ZMYND11: variants seen among roughly 807,000 people sequenced by gnomAD.
ZMYND11 encodes the protein zinc finger MYND-type containing 11.
Under a neutral mutation model 84.9 loss-of-function variants are expected in ZMYND11, and 9 were observed. The observed-to-expected ratio is 0.11, with a 90% confidence interval of 0.06 to 0.18. The LOEUF (loss-of-function observed/expected upper bound fraction) is 0.18, where lower values mean the gene tolerates loss of function less well. ZMYND11 is among the 10% of genes least tolerant of loss of function. The probability of loss-of-function intolerance (pLI) is 1.00; values close to 1 mark genes in which losing one functional copy is unlikely to be tolerated. For synonymous variants in ZMYND11, 250 were observed against 244.1 expected (o/e 1.02, Z -0.23); for missense variants, 409 against 761.0 (o/e 0.54, Z 5.44).
At chr10:194,055 G>C (rs1365543226) in intron 2 of ZMYND11, among the ~76,000 whole-genome samples, 6 of 152,116 alleles carry the variant, frequency 3.9e-5, no homozygotes, top group Middle Eastern at 3.2e-3. Flanking sequence ...TACAATCTCA[G>C]CTCACTACAG....
At chr10:170,991 G>A (rs1227001950) in intron 1 of ZMYND11, among the ~76,000 whole-genome samples, 1 of 152,006 alleles carries the variant, frequency 6.6e-6, no homozygotes, top group Non-Finnish European at 1.5e-5. Flanking sequence ...ATATAGCATG[G>A]TAACACTAAT....
Position 246,909 on chromosome 10 carries a change from C to A in ZMYND11, c.1094C>A (p.Ser365Tyr). 6.2e-7 allele frequency: 1 copy of A among 1,613,378 alleles called. No homozygotes were observed. Residue 365 changes from serine to tyrosine, a missense_variant, in exon 11 of 15, where the codon TCT becomes TAT. Physicochemically the swap from Ser to Tyr is moderately radical, Grantham distance 144 (BLOSUM62 -2). This residue lies in a region of ZMYND11 where 48 missense variants were observed against 61.1 expected (regional missense o/e 0.79). Transcript: ENST00000381604. The stretch of plus-strand genomic sequence containing the variant: ...CTACGAGAAGGGAGATTTTGGAAAT[C>A]TAAGAATGAGGACCGAGGTGAGGAA... ...RFLREGRFWK[S>Y]KNEDRGEEEA...
intron 10 of ZMYND11, among the ~76,000 whole-genome samples, chr10:243,789 C>T (rs532613635): frequency 3.3e-5 from 5 of 152,222 alleles, no homozygotes; most frequent in South Asian, 2.1e-4. Context: ...GGCGTGAACC[C>T]GGGAGGTAGA....
intron 2 of ZMYND11, among the ~76,000 whole-genome samples, chr10:203,413 A>G (rs72770985): frequency 6.6e-6 from 1 of 152,308 alleles, no homozygotes; most frequent in Non-Finnish European, 1.5e-5. Flanking sequence ...AATCTTATGG[A>G]TACAAATTAT....
At chr10:145,214 GTA>G (rs1378832389) in intron 1 of ZMYND11, among the ~76,000 whole-genome samples, 41 of 139,490 alleles carry the variant, frequency 2.9e-4, no homozygotes, top group Admixed American at 1.3e-3. Context: ...GTATATATAT[GTA>G]TATATGTGTG....
chr10:172,467 G>A (rs1845572300), intron 1 of ZMYND11, among the ~76,000 whole-genome samples: 1 of 152,146 alleles, frequency 6.6e-6, no homozygotes, highest in Admixed American at 6.6e-5. Flanking sequence ...CAATGAACAA[G>A]TGTAATGTGA....
At chr10:204,071 C>T (rs1943712460) in intron 2 of ZMYND11, among the ~76,000 whole-genome samples, 2 of 152,022 alleles carry the variant, frequency 1.3e-5, no homozygotes, top group African/African-American at 2.4e-5. Context: ...AATTTCCTTC[C>T]TTGTATGTGT....
chr10:241,441 G>A (rs2131789189), intron 9 of ZMYND11, among the ~76,000 whole-genome samples: 1 of 152,304 alleles, frequency 6.6e-6, no homozygotes, highest in South Asian at 2.1e-4. Flanking sequence ...GCCTTCCAAA[G>A]TGCTGGGATT....
Position 252,236 on chromosome 10 carries a change from G to A in ZMYND11, c.1687-112G>A. On this transcript the variant is annotated intron_variant, in intron 14 of 14. Coordinates refer to ENST00000381604, the MANE Select transcript of ZMYND11 (RefSeq NM_001370100.5). The surrounding 1 kb of genome is among the most constrained non-coding windows in gnomAD (Gnocchi z 4.6). ...TAAAACGTATTCAGATTCCACAAAA[G>A]GTTGAGCCAGAAAGATCTTTTAAAA... 3 of 1,322,578 alleles carry A rather than the reference G, an allele frequency of 2.3e-6. No individual in the cohort carries two copies. The highest frequency in any genetic ancestry group is 2.1e-5 in the Admixed American group (1 of 48,618). 81.9% of individuals were successfully genotyped at this position (1,322,578 alleles called of 1,614,324 possible).
chr10:172,061 G>T (rs1845454612), intron 1 of ZMYND11, among the ~76,000 whole-genome samples: 1 of 152,156 alleles, frequency 6.6e-6, no homozygotes, highest in African/African-American at 2.4e-5. Context: ...TCCTCACATG[G>T]CAGAAGAGAT....
At chr10:181,462 T>C (rs1433443736) in intron 2 of ZMYND11, among the ~76,000 whole-genome samples, 1 of 152,112 alleles carries the variant, frequency 6.6e-6, no homozygotes, top group African/African-American at 2.4e-5. Context: ...CTGCCAAAGA[T>C]ACAAAAATTA....
At chr10:170,433 T>TGC (rs1395278002) in intron 1 of ZMYND11, among the ~76,000 whole-genome samples, 12 of 124,370 alleles carry the variant, frequency 9.6e-5, no homozygotes, top group Admixed American at 4.0e-4. Flanking sequence ...TATGTGTGCG[T>TGC]GTGTGTGTGT....
intron 1 of ZMYND11, among the ~76,000 whole-genome samples, chr10:153,870 A>AT (rs1841016326): frequency 6.6e-6 from 1 of 152,228 alleles, no homozygotes; most frequent in Non-Finnish European, 1.5e-5. Context: ...ATATTAAAAA[A>AT]TTTCTTTTGC....
chr10:185,744 G>A (rs1938154439), intron 2 of ZMYND11, among the ~76,000 whole-genome samples: 1 of 150,650 alleles, frequency 6.6e-6, no homozygotes, highest in South Asian at 2.1e-4. Flanking sequence ...GAACCCGGGA[G>A]GCGGAGGTTG....
intron 1 of ZMYND11, among the ~76,000 whole-genome samples, chr10:163,804 A>G (rs1438875616): frequency 2.0e-5 from 3 of 152,098 alleles, no homozygotes; most frequent in African/African-American, 4.8e-5. Flanking sequence ...GCTAGTGTGA[A>G]CAGTTGTCTT....
chr10:133,521 A>C (rs1261268301), upstream of ZMYND11, among the ~76,000 whole-genome samples: 1 of 152,204 alleles, frequency 6.6e-6, no homozygotes, highest in Non-Finnish European at 1.5e-5. Flanking sequence ...ACAAAGTATA[A>C]CTGGGAAAAA....
At chr10:236,702 C>CAGAT in intron 4 of ZMYND11, 136 bp from the exon 5 acceptor site, 1 of 675,220 alleles carries the variant, frequency 1.5e-6, no homozygotes. Flanking sequence ...AGATTTCTGT[C>CAGAT]AGATATGTTG....
intron 1 of ZMYND11, among the ~76,000 whole-genome samples, chr10:161,169 T>A (rs1390376475): frequency 1.3e-5 from 2 of 152,112 alleles, no homozygotes; most frequent in African/African-American, 2.4e-5. Context: ...GGATGTCATG[T>A]TAGCCACATG....
At chr10:225,866 G>C (rs2131502023) in intron 4 of ZMYND11, among the ~76,000 whole-genome samples, 1 of 152,332 alleles carries the variant, frequency 6.6e-6, no homozygotes, top group African/African-American at 2.4e-5. Context: ...CAGCCAGCCT[G>C]CTGGGGTGGC....
Sources: gnomAD v4.1 joint callset for allele counts (sites outside exome capture counted in the v4.1 genomes callset) on GRCh38, gnomAD v4.1.1 for gene constraint, gnomAD v4.1.1 regional missense constraint, Gnocchi (gnomAD v3.1) non-coding constraint, MANE v1.5 for transcripts, NCBI Gene and HGNC (gene_info 2026-07-23, HGNC 2026-07-21) for gene names.